Variants in ASIC2 observed in about 807,000 individuals in gnomAD.
ASIC2 encodes acid sensing ion channel subunit 2, also known as acid-sensing ion channel 2.
Under a neutral mutation model 57.3 loss-of-function variants are expected in ASIC2, and 25 were observed. The ratio of observed to expected loss-of-function variants is 0.44; its 90% CI spans 0.32 to 0.61. The LOEUF is 0.61. ASIC2 is among the 20% of genes least tolerant of loss of function. The probability of loss-of-function intolerance (pLI) is 0.06; values close to 1 mark genes in which losing one functional copy is unlikely to be tolerated. For synonymous variants in ASIC2, 319 were observed against 307.5 expected (o/e 1.04, Z -0.39); for missense variants, 641 against 738.1 (o/e 0.87, Z 1.52).
At chr17:34,034,277 T>C (rs939749043) in intron 1 of ASIC2, among the ~76,000 whole-genome samples, 1 of 152,154 alleles carries the variant, frequency 6.6e-6, no homozygotes, top group Non-Finnish European at 1.5e-5. Context: ...ATTATCTCAA[T>C]AGATGCAGAA....
chr17:33,610,724 T>A (rs1347167560), intron 1 of ASIC2, among the ~76,000 whole-genome samples: 4 of 151,134 alleles, frequency 2.6e-5, no homozygotes, highest in African/African-American at 7.3e-5. Flanking sequence ...AAAAAATAAA[T>A]AAATAAATAA....
At chr17:33,877,329 G>A (rs373497397) in intron 1 of ASIC2, among the ~76,000 whole-genome samples, 289 of 152,276 alleles carry the variant, frequency 1.9e-3, no homozygotes, top group Non-Finnish European at 2.9e-3. Flanking sequence ...GCATCGCCTC[G>A]CCCGGGAAGC....
chr17:34,008,962 T>C (rs1279825094), intron 1 of ASIC2, among the ~76,000 whole-genome samples: 1 of 152,216 alleles, frequency 6.6e-6, no homozygotes, highest in African/African-American at 2.4e-5. Context: ...CACATTTGGA[T>C]TTAGCCTCAA....
chr17:34,103,842 G>A (rs1488504037), intron 1 of ASIC2, among the ~76,000 whole-genome samples: 1 of 152,098 alleles, frequency 6.6e-6, no homozygotes, highest in Non-Finnish European at 1.5e-5. Context: ...ATATCTAACT[G>A]TCTTAATTAC....
At chr17:33,652,725 G>T (rs1446384111) in intron 1 of ASIC2, among the ~76,000 whole-genome samples, 1 of 152,220 alleles carries the variant, frequency 6.6e-6, no homozygotes, top group Non-Finnish European at 1.5e-5. Flanking sequence ...GGAGGAGACC[G>T]TTCTTCCTGT....
At chr17:33,723,845 A>G (rs1159589087) in intron 1 of ASIC2, among the ~76,000 whole-genome samples, 1 of 152,212 alleles carries the variant, frequency 6.6e-6, no homozygotes. Flanking sequence ...CTTAAGATTC[A>G]TGCATTTTAA....
intron 1 of ASIC2, among the ~76,000 whole-genome samples, chr17:33,522,531 C>T (rs1322468062): frequency 2.6e-5 from 4 of 152,304 alleles, no homozygotes; most frequent in South Asian, 2.1e-4. Flanking sequence ...ACTTCTCTGA[C>T]CCTCTGTTTC....
chr17:33,117,269 G>T (rs989336245), intron 1 of ASIC2, among the ~76,000 whole-genome samples: 14 of 152,140 alleles, frequency 9.2e-5, no homozygotes, highest in East Asian at 1.9e-4. Context: ...GCCTCCTGGG[G>T]TCGAGCGATT....
intron 1 of ASIC2, among the ~76,000 whole-genome samples, chr17:33,191,359 G>A (rs943813686): frequency 6.6e-6 from 1 of 152,088 alleles, no homozygotes. Context: ...AGGGACATGG[G>A]GAACCTTTGT....
intron 1 of ASIC2, chr17:34,038,708 A>C: frequency 1.2e-6 from 2 of 1,602,546 alleles, no homozygotes; most frequent in Non-Finnish European, 8.6e-7. Context: ...ACCTAATCTG[A>C]GTTTGAAGAT....
chr17:34,030,528 C>T (rs1358866073), intron 1 of ASIC2, among the ~76,000 whole-genome samples: 1 of 152,190 alleles, frequency 6.6e-6, no homozygotes, highest in South Asian at 2.1e-4. Flanking sequence ...AGGTGCAGTG[C>T]ACCGTGCGCG....
At chr17:33,513,224 A>G (rs1442479632) in intron 1 of ASIC2, among the ~76,000 whole-genome samples, 2 of 152,240 alleles carry the variant, frequency 1.3e-5, no homozygotes, top group Non-Finnish European at 2.9e-5. Flanking sequence ...TTTTATTTTC[A>G]TTAAATCACT....
chr17:34,011,032 T>TGCGC (rs1421842736), intron 1 of ASIC2, among the ~76,000 whole-genome samples: 1 of 2,650 alleles, frequency 3.8e-4, no homozygotes, highest in Non-Finnish European at 7.3e-4. Context: ...GTCAGACACA[T>TGCGC]GCACACACAC....
intron 1 of ASIC2, among the ~76,000 whole-genome samples, chr17:33,233,234 C>T (rs1908173764): frequency 6.6e-6 from 1 of 150,920 alleles, no homozygotes; most frequent in Non-Finnish European, 1.5e-5. Flanking sequence ...AAGCTCCCTT[C>T]TAACATACTA....
intron 1 of ASIC2, among the ~76,000 whole-genome samples, chr17:33,478,412 G>A (rs1913298080): frequency 6.6e-6 from 1 of 152,220 alleles, no homozygotes; most frequent in Non-Finnish European, 1.5e-5. Context: ...TAGCACAGAG[G>A]TCTCCCCAAC....
intron 1 of ASIC2, among the ~76,000 whole-genome samples, chr17:34,147,528 T>G (rs1337015196): frequency 6.6e-6 from 1 of 152,222 alleles, no homozygotes; most frequent in Non-Finnish European, 1.5e-5. Context: ...ATCAGAGAAT[T>G]TCAATTTATC....
Position 33,862,053 on chromosome 17 carries a change from G to A in ASIC2, c.555+293925C>T, listed in dbSNP as rs1308488630. On this transcript the variant is annotated intron_variant, in intron 1 of 9. Transcript: ENST00000359872. ...GTCTGCTCTCTGAACAAACTTCACA[G>A]GTCACACCTTTTACCAGTGTTCAAG... Among the ~76,000 whole-genome samples, 3 of 152,124 alleles carry A rather than the reference G, an allele frequency of 2.0e-5. 1 individual carries two copies. Among genetic ancestry groups the A allele is most frequent in the Admixed American group, 2.0e-4 (3 of 15,276 alleles).
At chr17:33,033,832 C>T (rs112792752) in intron 3 of ASIC2, among the ~76,000 whole-genome samples, 2,641 of 152,266 alleles carry the variant, frequency 0.017, 86 homozygotes, top group African/African-American at 0.056. Context: ...ATGCATGAAT[C>T]GGCACACACT....
upstream of ASIC2, among the ~76,000 whole-genome samples, chr17:33,298,230 A>G (rs1905802455): frequency 6.6e-6 from 1 of 152,052 alleles, no homozygotes; most frequent in South Asian, 2.1e-4. Flanking sequence ...CTTGTCATTT[A>G]TATTAGGTAT....
Sources: gnomAD v4.1 joint callset for allele counts (sites outside exome capture counted in the v4.1 genomes callset) on GRCh38, gnomAD v4.1.1 for gene constraint, MANE v1.5 for transcripts, NCBI Gene and HGNC (gene_info 2026-07-23, HGNC 2026-07-21) for gene names.